Variants in DNAH11 observed in about 807,000 individuals in gnomAD.
DNAH11 encodes axonemal beta dynein heavy chain 11.
DNAH11 carries 442 observed loss-of-function variants against 526.0 expected under a neutral mutation model. The ratio of observed to expected loss-of-function variants is 0.84; its 90% confidence interval spans 0.78 to 0.91. The LOEUF is 0.91. DNAH11 is among the 40% of genes least tolerant of loss of function. The probability of loss-of-function intolerance (pLI) is 0.00; values close to 1 mark genes in which losing one functional copy is unlikely to be tolerated. For missense variants in DNAH11, 6,989 were observed against 5,448.7 expected, an observed-to-expected ratio of 1.28 and a Z score of -8.90; for synonymous variants, 2,461 against 1,935.9, an observed-to-expected ratio of 1.27 and a Z score of -7.12.
rs765276365 is a variant in DNAH11, at chr7:21,588,576, C to A, written c.1913C>A (p.Ala638Asp). The change falls in exon 11 of 82, where the codon GCC (alanine) becomes GAC (aspartate). Residue 638 changes from alanine to aspartate, a missense_variant. Transcript: ENST00000409508. ...TTTACCTCAGGAAATATGAAATGGG[C>A]CCAGCAGGTTCTCCAACGACTTCAA... ...MPFTSGNMKWAQQVLQRLQMF... is the reference protein window; with the variant it reads ...MPFTSGNMKWDQQVLQRLQMF... The A allele has an allele frequency of 4.3e-6, 7 of 1,613,226 alleles. No individual in the cohort carries two copies. Among genetic ancestry groups the A allele is most frequent in the Non-Finnish European group, 5.9e-6 (7 of 1,179,342 alleles).
chr7:21,744,675 A>G (rs1314478145), intron 50 of DNAH11, 76 bp downstream of exon 50: 1 of 1,565,310 alleles, frequency 6.4e-7, no homozygotes, highest in Non-Finnish European at 8.7e-7. Flanking sequence ...AGATGAGGGT[A>G]TGAGAGAAGT....
At chr7:21,695,189 A>T (rs768704359) in intron 35 of DNAH11, among the ~76,000 whole-genome samples, 2 of 152,210 alleles carry the variant, frequency 1.3e-5, no homozygotes, top group African/African-American at 4.8e-5. Context: ...CAAAGATTCA[A>T]TGCTATTCCC....
At chr7:21,888,687 A>C (rs1286156346) in intron 76 of DNAH11, among the ~76,000 whole-genome samples, 2 of 151,864 alleles carry the variant, frequency 1.3e-5, no homozygotes, top group Non-Finnish European at 2.9e-5. Context: ...ATGGGGTTTC[A>C]CCATGTTAGT....
chr7:21,723,296 G>A (rs1454855409), intron 44 of DNAH11, among the ~76,000 whole-genome samples: 1 of 152,134 alleles, frequency 6.6e-6, no homozygotes, highest in Non-Finnish European at 1.5e-5. Flanking sequence ...TTACAAATAA[G>A]GAACTGAAGC....
At chr7:21,728,315 T>C (rs2128486536) in intron 45 of DNAH11, among the ~76,000 whole-genome samples, 1 of 133,440 alleles carries the variant, frequency 7.5e-6, no homozygotes, top group African/African-American at 2.8e-5. Flanking sequence ...TGGAGTGCAG[T>C]GGTGCAATCT....
chr7:21,612,047 G>A (rs1785541477), intron 20 of DNAH11, among the ~76,000 whole-genome samples: 2 of 151,982 alleles, frequency 1.3e-5, no homozygotes, highest in Middle Eastern at 3.4e-3. Flanking sequence ...AATAAAATAG[G>A]GAATGATTGT....
chr7:21,899,200 G>T (rs192947078), intron 79 of DNAH11, 136 bp from the exon 80 acceptor site: 44 of 701,232 alleles, frequency 6.3e-5, no homozygotes, highest in South Asian at 5.8e-4. Flanking sequence ...CAAATTGTCA[G>T]GGAAGGATTT....
Position 21,543,441 on chromosome 7 carries a change from C to CT in DNAH11, c.197dup (p.Ala67GlyfsTer39). The CT allele has an allele frequency of 6.4e-7, 1 of 1,563,140 alleles. No homozygotes were observed. Among genetic ancestry groups the CT allele is most frequent in the East Asian group, 2.4e-5 (1 of 42,102 alleles). On this transcript the variant is annotated frameshift_variant, in exon 1 of 82. Coordinates refer to ENST00000409508, the MANE Select transcript of DNAH11 (RefSeq NM_001277115.2). LOFTEE classifies it high-confidence loss of function. ...GCGGGTGCGCTTCCTCGGCGGCCGC[C>CT]TGGCGATGATGCTGGGGTTCACGGA... is the stretch of plus-strand genomic sequence containing the variant.
chr7:21,896,433 G>A (rs1321485860), intron 79 of DNAH11, among the ~76,000 whole-genome samples: 1 of 152,158 alleles, frequency 6.6e-6, no homozygotes, highest in Non-Finnish European at 1.5e-5. Flanking sequence ...AGCTTTGATT[G>A]TAGAGGGTGG....
rs578155059 is a variant in DNAH11 at position 21,804,225 on chromosome 7, C to T, written c.10165+2950C>T. ...CCGGGTTCACGCCATTCTCCTGCCT[C>T]AGCCTCCCGAGTACCTGGGACTACA... On this transcript the variant is annotated intron_variant, in intron 62 of 81. Coordinates refer to ENST00000409508, the MANE Select transcript of DNAH11 (RefSeq NM_001277115.2). 3.3e-5 allele frequency among the ~76,000 whole-genome samples: 5 copies of T among 152,282 alleles called. No homozygotes were observed. In the South Asian group the frequency reaches 8.3e-4, roughly 25 times the overall value.
intron 14 of DNAH11, among the ~76,000 whole-genome samples, chr7:21,599,218 C>T (rs1184433045): frequency 2.0e-5 from 3 of 152,190 alleles, no homozygotes; most frequent in African/African-American, 4.8e-5. Context: ...TATAAACATT[C>T]CTTTTTCTGT....
intron 28 of DNAH11, among the ~76,000 whole-genome samples, chr7:21,642,816 C>G (rs1446566279): frequency 2.0e-5 from 3 of 151,982 alleles, no homozygotes; most frequent in African/African-American, 7.2e-5. Flanking sequence ...GGTCTGATAA[C>G]CACTACAACC....
chr7:21,851,787 C>T (rs935783509), intron 66 of DNAH11: 20 of 405,834 alleles, frequency 4.9e-5, no homozygotes, highest in Non-Finnish European at 8.5e-5. Flanking sequence ...CTGTGACCTC[C>T]GTTCTCTGAT....
At chr7:21,753,682 A>C (rs576332888) in intron 54 of DNAH11, among the ~76,000 whole-genome samples, 1 of 152,244 alleles carries the variant, frequency 6.6e-6, no homozygotes, top group South Asian at 2.1e-4. Flanking sequence ...TTTTCTTGTT[A>C]ACTGTCTGCT....
At position 21,600,801 on chromosome 7, in the gene DNAH11, G is replaced by A. The variant is rs1315822634; in HGVS notation, c.3126G>A (p.Val1042=). The part of the protein sequence containing the change: ...NTLETHTYLW[V]DDRAEFMKHF... ...TGGAGACCCACACTTACCTCTGGGT[G>A]GATGATCGAGCTGAGTTTATGAAGC... is the stretch of plus-strand genomic sequence containing the variant. The change falls in exon 16 of 82, where the codon GTG becomes GTA. Residue 1042 remains valine, a synonymous_variant. Transcript: ENST00000409508. 6.2e-7 allele frequency: 1 copy of A among 1,613,894 alleles called. No homozygotes were observed. Among genetic ancestry groups the A allele is most frequent in the Admixed American group, 1.7e-5 (1 of 60,022 alleles).
At chr7:21,694,281 A>C (rs1329763312) in intron 35 of DNAH11, among the ~76,000 whole-genome samples, 5 of 152,114 alleles carry the variant, frequency 3.3e-5, no homozygotes, top group Non-Finnish European at 7.4e-5. Context: ...TGCTGCACCC[A>C]TCAACCCATC....
At chr7:21,546,078 A>C (rs1425606191) in intron 2 of DNAH11, among the ~76,000 whole-genome samples, 1 of 152,222 alleles carries the variant, frequency 6.6e-6, no homozygotes, top group Non-Finnish European at 1.5e-5. Flanking sequence ...GCCAATTTCT[A>C]AATCAGACCT....
intron 65 of DNAH11, among the ~76,000 whole-genome samples, chr7:21,833,166 T>C (rs530263185): frequency 1.3e-5 from 2 of 152,256 alleles, no homozygotes; most frequent in African/African-American, 4.8e-5. Flanking sequence ...TTTGTATTTG[T>C]TTAATTTTTA....
At chr7:21,839,492 G>A (rs745528040) in intron 65 of DNAH11, among the ~76,000 whole-genome samples, 6 of 151,604 alleles carry the variant, frequency 4.0e-5, no homozygotes, top group South Asian at 2.1e-4. Context: ...GGAAAATGGC[G>A]TGAACCCAGG....
Sources: gnomAD v4.1 joint callset for allele counts (sites outside exome capture counted in the v4.1 genomes callset) on GRCh38, gnomAD v4.1.1 for gene constraint, MANE v1.5 for transcripts, NCBI Gene and HGNC (gene_info 2026-07-23, HGNC 2026-07-21) for gene names.